The following SYNE2 variants were observed in gnomAD, a reference collection of about 807,000 sequenced individuals.
SYNE2 encodes the protein nesprin-2.
Under a neutral mutation model 856.3 loss-of-function variants are expected in SYNE2, and 431 were observed. The observed-to-expected ratio is 0.50, with a 90% CI of 0.47 to 0.55. The LOEUF (loss-of-function observed/expected upper bound fraction) is 0.55. SYNE2 is among the 20% of genes least tolerant of loss of function. The probability of loss-of-function intolerance (pLI) is 0.00; values close to 1 mark genes in which losing one functional copy is unlikely to be tolerated. For missense variants in SYNE2, 8,129 were observed against 8,023.2 expected (o/e 1.01, Z -0.50); for synonymous variants, 2,923 against 2,872.3 (o/e 1.02, Z -0.56).
chr14:63,826,364 A>G (rs996499720), intron 1 of SYNE2, among the ~76,000 whole-genome samples: 3 of 152,136 alleles, frequency 2.0e-5, no homozygotes, highest in African/African-American at 7.2e-5. Flanking sequence ...GAGTGGCACA[A>G]TCTCAGCTCA....
At chr14:64,182,744 T>G (rs1396383029) in intron 96 of SYNE2, among the ~76,000 whole-genome samples, 2 of 152,222 alleles carry the variant, frequency 1.3e-5, no homozygotes, top group East Asian at 3.9e-4. Flanking sequence ...GGCAGAATTT[T>G]TCTTAGTACA....
chr14:64,038,301 G>A (rs1259898101), intron 45 of SYNE2, among the ~76,000 whole-genome samples: 10 of 152,024 alleles, frequency 6.6e-5, no homozygotes, highest in Admixed American at 5.2e-4. Context: ...GGGAAGAGGC[G>A]CTCCTCACTT....
chr14:64,106,440 G>A (rs552249916), intron 64 of SYNE2, among the ~76,000 whole-genome samples: 124 of 152,318 alleles, frequency 8.1e-4, no homozygotes, highest in Middle Eastern at 3.4e-3. Flanking sequence ...ACGAGGTCAG[G>A]AGATCAAGAT....
chr14:63,984,440 T>C (rs868658269), intron 18 of SYNE2, among the ~76,000 whole-genome samples: 1 of 152,166 alleles, frequency 6.6e-6, no homozygotes, highest in Non-Finnish European at 1.5e-5. Flanking sequence ...GCAGTGTAAA[T>C]TGAGTTGTTA....
intron 2 of SYNE2, among the ~76,000 whole-genome samples, chr14:63,929,805 A>G (rs868635611): frequency 6.6e-6 from 1 of 151,958 alleles, no homozygotes; most frequent in Middle Eastern, 3.4e-3. Context: ...CTCTGTAGAG[A>G]TATTCGACTG....
intron 1 of SYNE2, among the ~76,000 whole-genome samples, chr14:63,792,715 G>A (rs1386113150): frequency 1.3e-5 from 2 of 151,832 alleles, no homozygotes; most frequent in African/African-American, 4.8e-5. Context: ...CGCCAAGGTT[G>A]GAGTGAGTGG....
At chr14:64,215,992 TG>T in intron 107 of SYNE2, 1 of 1,417,752 alleles carries the variant, frequency 7.1e-7, no homozygotes, top group Middle Eastern at 2.6e-4. Flanking sequence ...CTCGAGACCC[TG>T]GCTCCAAAAC....
intron 65 of SYNE2, among the ~76,000 whole-genome samples, chr14:64,107,935 A>G (rs943830348): frequency 6.6e-6 from 1 of 152,224 alleles, no homozygotes; most frequent in Non-Finnish European, 1.5e-5. Context: ...GTTAATATTG[A>G]TTAATAGCCT....
chr14:63,827,397 G>T (rs1279161947), intron 1 of SYNE2, among the ~76,000 whole-genome samples: 1 of 151,874 alleles, frequency 6.6e-6, no homozygotes, highest in Non-Finnish European at 1.5e-5. Flanking sequence ...GACCGAGGCA[G>T]GTGGATCACC....
intron 1 of SYNE2, among the ~76,000 whole-genome samples, chr14:63,861,980 A>G (rs1438385950): frequency 6.6e-6 from 1 of 152,230 alleles, no homozygotes; most frequent in East Asian, 1.9e-4. Flanking sequence ...CAGAATGAAT[A>G]TTATTAAATC....
At chr14:64,003,448 T>C in intron 30 of SYNE2, 118 bp downstream of exon 30, 2 of 1,227,126 alleles carry the variant, frequency 1.6e-6, no homozygotes, top group East Asian at 2.4e-5. Flanking sequence ...CCCACTCTAT[T>C]CAGTGTTCAG....
intron 1 of SYNE2, among the ~76,000 whole-genome samples, chr14:63,786,432 C>T (rs1028268809): frequency 2.6e-5 from 4 of 152,108 alleles, no homozygotes; most frequent in South Asian, 2.1e-4. Flanking sequence ...AACAGCACTG[C>T]CCTTCCCTTC....
chr14:63,865,724 C>CCCCCCCCCCCA (rs1555352398), intron 1 of SYNE2, among the ~76,000 whole-genome samples: 1 of 95,354 alleles, frequency 1.0e-5, no homozygotes. Flanking sequence ...ACCCCCCCCC[C>CCCCCCCCCCCA]AAAAAAAAAG....
intron 1 of SYNE2, among the ~76,000 whole-genome samples, chr14:63,781,697 C>CT (rs1400249371): frequency 6.6e-6 from 1 of 151,678 alleles, no homozygotes; most frequent in East Asian, 1.9e-4. Context: ...TATTTATATA[C>CT]TTTTTTTCTA....
rs1318249513 is a variant in SYNE2 at position 64,159,192 on chromosome 14, T to C, written c.15964-120T>C. On this transcript the variant is annotated intron_variant, in intron 86 of 115. Transcript: ENST00000555002. ...TGTTTTCTTCACATTCCTAATAGTT[T>C]ATCAGAGCTGTAAGATTTGAGTGTT... 3.7e-6 allele frequency: 5 copies of C among 1,351,054 alleles called. No individual in the cohort carries two copies. The Admixed American group carries it at 5.2e-5, about 14-fold the overall frequency. 83.7% of individuals were successfully genotyped at this position (1,351,054 alleles called of 1,614,324 possible). A position where few individuals can be genotyped will look rare whatever the true frequency, so the allele number is the denominator to read the frequency against.
intron 109 of SYNE2, 30 bp downstream of exon 109, chr14:64,218,542 G>C (rs750915579): frequency 1.2e-6 from 2 of 1,602,228 alleles, no homozygotes; most frequent in Non-Finnish European, 1.7e-6. Context: ...GTCGTCCAGA[G>C]AGGCAGAGTA....
intron 16 of SYNE2, among the ~76,000 whole-genome samples, chr14:63,982,258 A>G (rs2153474424): frequency 6.6e-6 from 1 of 152,344 alleles, no homozygotes; most frequent in African/African-American, 2.4e-5. Context: ...TTTGGAAACC[A>G]CTGCTGTAAG....
chr14:63,793,633 A>G (rs1414883588), intron 1 of SYNE2, among the ~76,000 whole-genome samples: 1 of 152,078 alleles, frequency 6.6e-6, no homozygotes, highest in Non-Finnish European at 1.5e-5. Flanking sequence ...TCCATTGAAG[A>G]GGGGAGTTTG....
chr14:64,181,311 C>A (rs757728251), intron 96 of SYNE2, among the ~76,000 whole-genome samples: 3 of 152,094 alleles, frequency 2.0e-5, no homozygotes, highest in Non-Finnish European at 2.9e-5. Context: ...TTTTATCATC[C>A]CTACCTCATT....
Sources: allele counts gnomAD v4.1 joint callset (sites outside exome capture counted in the v4.1 genomes callset), GRCh38; gene constraint gnomAD v4.1.1; transcripts MANE v1.5; gene names NCBI Gene and HGNC (gene_info 2026-07-23, HGNC 2026-07-21).